Variants in SORBS2 observed in about 807,000 individuals in gnomAD.
The protein encoded by SORBS2 is sorbin and SH3 domain containing 2, also known as sorbin and SH3 domain-containing protein 2.
Under a neutral mutation model 97.7 loss-of-function variants are expected in SORBS2, and 46 were observed. The observed-to-expected ratio is 0.47, with a 90% CI of 0.37 to 0.60. The LOEUF (loss-of-function observed/expected upper bound fraction) is 0.60. Among genes scored for constraint, SORBS2 ranks in the 20% least tolerant of loss-of-function variants. The pLI is 0.00. For missense variants in SORBS2, 1,316 were observed against 1,282.3 expected, an observed-to-expected ratio of 1.03 and a Z score of -0.40; for synonymous variants, 476 against 473.4, an observed-to-expected ratio of 1.01 and a Z score of -0.07.
chr4:185,909,240 C>T (rs1452182105), intron 1 of SORBS2, among the ~76,000 whole-genome samples: 1 of 152,100 alleles, frequency 6.6e-6, no homozygotes, highest in Non-Finnish European at 1.5e-5. Flanking sequence ...ATGTTTTTTG[C>T]AGCATAATGA....
At chr4:185,710,522 T>G (rs62334780) in intron 2 of SORBS2, among the ~76,000 whole-genome samples, 28,885 of 152,198 alleles carry the variant, frequency 0.19, 2,992 homozygotes, top group Non-Finnish European at 0.24. Context: ...CCCCAAATTT[T>G]GAAGATGGAA....
Position 185,806,434 on chromosome 4 carries a change from CTATTTTTTT to C in SORBS2, c.-337-31077_-337-31069del, listed in dbSNP as rs2099154132. The stretch of plus-strand genomic sequence containing the variant: ...AGTGGCACAGCTCTTGGCTAGAATC[CTATTTTTTT>C]TTTTTTTTTTTTTTTTTTTTTTTTT... On this transcript the variant is annotated intron_variant, in intron 1 of 20. Coordinates refer to the SORBS2 transcript ENST00000284776. Among the ~76,000 whole-genome samples the C allele has an allele frequency of 3.6e-3, 384 of 108,124 alleles. 50 individuals are homozygous for C. Among genetic ancestry groups the C allele is most frequent in the African/African-American group, 8.3e-3 (227 of 27,292 alleles). The allele number at this position is 108,124 out of a possible 152,430, so 70.9% of individuals were successfully genotyped here.
chr4:185,889,593 G>A (rs1406195353), intron 1 of SORBS2, among the ~76,000 whole-genome samples: 3 of 151,968 alleles, frequency 2.0e-5, no homozygotes, highest in South Asian at 2.1e-4. Flanking sequence ...ATCATTCCCC[G>A]ATCTCCAATT....
intron 4 of SORBS2, 81 bp downstream of exon 15, chr4:185,637,998 C>A: frequency 3.4e-6 from 3 of 870,932 alleles, no homozygotes; most frequent in East Asian, 2.4e-5. Flanking sequence ...TGAATGACAC[C>A]CACGTCTACT....
intron 1 of SORBS2, among the ~76,000 whole-genome samples, chr4:185,827,280 C>T (rs1269937033): frequency 2.0e-5 from 2 of 98,762 alleles, no homozygotes; most frequent in Non-Finnish European, 4.6e-5. Context: ...TCATCACCAT[C>T]ATCATCACCA....
At chr4:185,806,935 C>A (rs1482521880) in intron 1 of SORBS2, among the ~76,000 whole-genome samples, 1 of 152,044 alleles carries the variant, frequency 6.6e-6, no homozygotes, top group East Asian at 1.9e-4. Flanking sequence ...GGACAAGGAA[C>A]CTGAAAAGAA....
chr4:185,864,685 C>A (rs1335558575), intron 1 of SORBS2, among the ~76,000 whole-genome samples: 6 of 152,054 alleles, frequency 3.9e-5, no homozygotes, highest in African/African-American at 1.4e-4. Flanking sequence ...CCAAGGCAGT[C>A]AGATTGCTTG....
At chr4:185,926,217 A>T (rs2099263598) in intron 1 of SORBS2, among the ~76,000 whole-genome samples, 1 of 152,240 alleles carries the variant, frequency 6.6e-6, no homozygotes, top group Non-Finnish European at 1.5e-5. Flanking sequence ...TTTGAAAATG[A>T]CTGCCCTGGC....
At chr4:185,745,071 C>T (rs926386079) in intron 2 of SORBS2, among the ~76,000 whole-genome samples, 3 of 152,126 alleles carry the variant, frequency 2.0e-5, no homozygotes, top group Non-Finnish European at 2.9e-5. Flanking sequence ...AGTACCTGGC[C>T]GCTCTCCCTG....
At chr4:185,899,269 G>C (rs2099246426) in intron 1 of SORBS2, among the ~76,000 whole-genome samples, 1 of 152,112 alleles carries the variant, frequency 6.6e-6, no homozygotes, top group African/African-American at 2.4e-5. Flanking sequence ...ACAGGCAGAG[G>C]CTACTCCTTA....
chr4:185,627,047 T>C (rs371808533), intron 5 of SORBS2, 28 bp from the exon 18 acceptor site: 15 of 1,610,362 alleles, frequency 9.3e-6, no homozygotes, highest in Middle Eastern at 1.8e-4. Context: ...ATCTGTTTGA[T>C]TGGCACTGGA....
At chr4:185,922,598 T>A (rs1366199198) in intron 1 of SORBS2, among the ~76,000 whole-genome samples, 1 of 152,222 alleles carries the variant, frequency 6.6e-6, no homozygotes, top group Non-Finnish European at 1.5e-5. Context: ...GCTTTCCTTC[T>A]TGTTTTATCA....
At chr4:185,932,276 A>ATC (rs1177585614) in intron 1 of SORBS2, among the ~76,000 whole-genome samples, 2 of 151,610 alleles carry the variant, frequency 1.3e-5, no homozygotes, top group Non-Finnish European at 1.5e-5. Flanking sequence ...GGATCCCCTG[A>ATC]TATACTGAAG....
intron 11 of SORBS2, 71 bp downstream of exon 23, chr4:185,614,760 T>C (rs1329766710): frequency 1.3e-6 from 2 of 1,545,502 alleles, no homozygotes; most frequent in Admixed American, 2.0e-5. Context: ...GTTTTGAAAA[T>C]ATACAGCCTT....
intron 12 of SORBS2, among the ~76,000 whole-genome samples, chr4:185,605,593 CT>C (rs975693350): frequency 6.6e-6 from 1 of 150,810 alleles, no homozygotes; most frequent in African/African-American, 2.4e-5. Context: ...TTAAGTTTCT[CT>C]TTTTTTTTGA....
chr4:185,868,142 CT>C (rs1396114044), intron 1 of SORBS2, among the ~76,000 whole-genome samples: 1 of 89,660 alleles, frequency 1.1e-5, no homozygotes, highest in African/African-American at 4.4e-5. Context: ...TTTCTCTTTT[CT>C]TTTCTTTTTT....
intron 1 of SORBS2, among the ~76,000 whole-genome samples, chr4:185,901,433 A>C (rs1046690495): frequency 2.6e-5 from 4 of 152,102 alleles, no homozygotes; most frequent in Admixed American, 6.5e-5. Flanking sequence ...CAAACTCCCA[A>C]CCTCAGGTGA....
At position 185,606,007 on chromosome 4, in the gene SORBS2, CA is replaced by C; in HGVS notation, c.2796+5772del. 1.3e-6 allele frequency: 1 copy of C among 748,900 alleles called. No homozygotes were observed. Among genetic ancestry groups the C allele is most frequent in the South Asian group, 6.1e-5 (1 of 16,462 alleles). The allele number at this position is 748,900 out of a possible 1,614,324, so 46.4% of individuals were successfully genotyped here. A position where few individuals can be genotyped will look rare whatever the true frequency, so the allele number is the denominator to read the frequency against. ...TTAAGTAGTCAATGTGAAGTCAACACAAAGAGAACGACCTCTTTAGAAAATC... is the reference window on the plus strand; with the variant it reads ...TTAAGTAGTCAATGTGAAGTCAACACAAGAGAACGACCTCTTTAGAAAATC... On this transcript the variant is annotated intron_variant, in intron 12 of 14. Coordinates refer to ENST00000418609, the Ensembl canonical transcript of SORBS2. This position sits in a 1 kb window ranked among gnomAD's most constrained non-coding sequence, Gnocchi z 4.3.
At chr4:185,597,162 A>G (rs889023049) in intron 12 of SORBS2, among the ~76,000 whole-genome samples, 1 of 152,210 alleles carries the variant, frequency 6.6e-6, no homozygotes, top group Non-Finnish European at 1.5e-5. Flanking sequence ...TAGCAAGAAC[A>G]GTTATCTAAG....
Sources: gnomAD v4.1 joint callset for allele counts (sites outside exome capture counted in the v4.1 genomes callset) on GRCh38, gnomAD v4.1.1 for gene constraint, Gnocchi (gnomAD v3.1) non-coding constraint, MANE v1.5 for transcripts, NCBI Gene and HGNC (gene_info 2026-07-23, HGNC 2026-07-21) for gene names.